Variants in NEB observed in about 807,000 individuals in gnomAD.
NEB encodes nemaline myopathy type 2.
Under a neutral mutation model 952.2 loss-of-function variants are expected in NEB, and 512 were observed. The ratio of observed to expected loss-of-function variants is 0.54; its 90% CI spans 0.50 to 0.58. The LOEUF (loss-of-function observed/expected upper bound fraction) is 0.58. Ranked by LOEUF, NEB falls within the 20% of genes least tolerant of loss-of-function variation. The pLI is 0.00. For synonymous variants in NEB, 2,900 were observed against 3,149.8 expected (o/e 0.92, Z 2.66); for missense variants, 8,428 against 9,231.1 (o/e 0.91, Z 3.56).
intron 81 of NEB, 150 bp downstream of exon 81, chr2:151,609,659 T>C: frequency 1.8e-6 from 1 of 557,282 alleles, no homozygotes; most frequent in South Asian, 5.3e-5. Context: ...AAAGATGGAT[T>C]TTATATTAAA....
At position 151,541,505 on chromosome 2, in the gene NEB, G is replaced by A. The variant is rs762651621; in HGVS notation, c.20624C>T (p.Ser6875Leu). ...TAAAAGATCAGGAGTATCAGGAACT[G>A]AAGTAAAGATTGACTTCTGCTTCTT... is the stretch of plus-strand genomic sequence containing the variant. ...AGKKQKSIFT[S>L]VPDTPDLLRA... Residue 6875 changes from serine (S) to leucine (L), a missense_variant, in exon 136 of 182, where the codon TCA becomes TTA. Physicochemically the swap from Ser to Leu is moderately radical, Grantham distance 145. This residue lies in a region of NEB where 3,374 missense variants were observed against 3,651.5 expected (regional missense o/e 0.92). Coordinates refer to ENST00000397345, the MANE Select transcript of NEB (RefSeq NM_001164508.2). 1 of 1,613,580 alleles carries A rather than the reference G, an allele frequency of 6.2e-7. No homozygotes were observed. The highest frequency in any genetic ancestry group is 8.5e-7 in the Non-Finnish European group (1 of 1,179,636).
At chr2:151,702,111 A>C (rs1308519584) in intron 13 of NEB, among the ~76,000 whole-genome samples, 123 of 144,070 alleles carry the variant, frequency 8.5e-4, no homozygotes, top group Admixed American at 3.7e-3. Context: ...TTCTGCCTTC[A>C]TTTCGTTATG....
intron 29 of NEB, 65 bp downstream of exon 29, chr2:151,682,597 A>G (rs911391335): frequency 6.5e-5 from 86 of 1,318,678 alleles, no homozygotes; most frequent in Non-Finnish European, 8.9e-5. Flanking sequence ...AGCACTGCCC[A>G]TGCTTTTGAG....
chr2:151,613,103 G>C (rs182860509), intron 77 of NEB, among the ~76,000 whole-genome samples: 4 of 151,868 alleles, frequency 2.6e-5, no homozygotes, highest in Non-Finnish European at 5.9e-5. Flanking sequence ...TTTTTTAACT[G>C]TCACTGCTTT....
At chr2:151,496,540 T>TG (rs916212494) in intron 172 of NEB, among the ~76,000 whole-genome samples, 172 bp from the exon 173 acceptor site, 1 of 152,182 alleles carries the variant, frequency 6.6e-6, no homozygotes, top group African/African-American at 2.4e-5. Flanking sequence ...GTTGTTGGGA[T>TG]GGGGAATCTG....
chr2:151,705,290 A>G (rs567694727), intron 13 of NEB, among the ~76,000 whole-genome samples: 102 of 152,330 alleles, frequency 6.7e-4, no homozygotes, highest in Middle Eastern at 3.4e-3. Flanking sequence ...CAGCTGATAA[A>G]GCAGATTATT....
At chr2:151,509,010 A>C (rs2071682189) in intron 161 of NEB, among the ~76,000 whole-genome samples, 1 of 152,094 alleles carries the variant, frequency 6.6e-6, no homozygotes, top group Admixed American at 6.5e-5. Flanking sequence ...CCCACTCTTC[A>C]GGGAAGTTTT....
intron 148 of NEB, among the ~76,000 whole-genome samples, chr2:151,526,700 A>G (rs1454782738): frequency 6.6e-6 from 1 of 152,202 alleles, no homozygotes; most frequent in African/African-American, 2.4e-5. Context: ...CTGGTGCAGT[A>G]TAAATCGAGG....
chr2:151,698,109 C>A (rs1370501557), intron 13 of NEB, among the ~76,000 whole-genome samples: 1 of 150,944 alleles, frequency 6.6e-6, no homozygotes, highest in East Asian at 2.0e-4. Context: ...AAGAAAAAAA[C>A]CTGACAATCG....
In NEB at chr2:151,518,960, C is replaced by T; in HGVS notation, c.22695+5G>A. On this transcript the variant is annotated splice_donor_5th_base_variant and intron_variant, in intron 155 of 181. Coordinates refer to ENST00000397345, the MANE Select transcript of NEB (RefSeq NM_001164508.2). ...GCTGTTTCTGGAGCAAATGACTGAG[C>T]TTACAGAACTGGCAAGTTGGCTTGT... 6.3e-7 allele frequency: 1 copy of T among 1,598,496 alleles called. No homozygotes were observed. The highest frequency in any genetic ancestry group is 1.1e-5 in the South Asian group (1 of 90,682).
intron 55 of NEB, among the ~76,000 whole-genome samples, chr2:151,645,160 A>G (rs1478840536): frequency 6.6e-6 from 1 of 152,264 alleles, no homozygotes; most frequent in Non-Finnish European, 1.5e-5. Flanking sequence ...AGAATCAGGC[A>G]GAAGTAAAAC....
intron 76 of NEB, 60 bp from the exon 77 acceptor site, chr2:151,614,647 G>T: frequency 6.7e-7 from 1 of 1,503,472 alleles, no homozygotes; most frequent in Non-Finnish European, 9.1e-7. Flanking sequence ...ATGTTTCATA[G>T]GTTCACATTC....
In NEB at chr2:151,527,677, AC is replaced by A; in HGVS notation, c.21736-93del. ...CACAGAGGGGCTCTTGCATTTCAAA[AC>A]ATCTCAAATCATGATTCCTAATGCA... On this transcript the variant is annotated intron_variant, in intron 146 of 181. Transcript: ENST00000397345. The A allele has an allele frequency of 4.6e-6, 4 of 860,362 alleles. 1 individual carries two copies. In the South Asian group the frequency reaches 6.6e-5, roughly 14 times the overall value. 53.3% of individuals were successfully genotyped at this position (860,362 alleles called of 1,614,324 possible). A position where few individuals can be genotyped will look rare whatever the true frequency, so the allele number is the denominator to read the frequency against.
rs1397643116 is a variant in NEB at position 151,548,499 on chromosome 2, C to A, written c.20050-84G>T. The A allele has an allele frequency of 1.5e-5, 14 of 960,816 alleles. No homozygotes were observed. The East Asian group carries it at 3.4e-4, about 24-fold the overall frequency. The allele number at this position is 960,816 out of a possible 1,614,324, so 59.5% of individuals were successfully genotyped here. A position where few individuals can be genotyped will look rare whatever the true frequency, so the allele number is the denominator to read the frequency against. On this transcript the variant is annotated intron_variant, in intron 130 of 181. Coordinates refer to ENST00000397345, the MANE Select transcript of NEB (RefSeq NM_001164508.2). Reference sequence around the variant, plus strand: ...TTCTCCAAATAGAAAAGAGATGTCACCTTTATTTGAAAAATTGCTCTTTTT... The same window carrying A: ...TTCTCCAAATAGAAAAGAGATGTCAACTTTATTTGAAAAATTGCTCTTTTT...
Position 151,631,284 on chromosome 2 carries a change from C to T in NEB, c.9477G>A (p.Met3159Ile). ...TAGCTCTCTTGCACTTGACCACATCCATAGACCCAATGGGGACCCAGCCAA... is the reference window on the plus strand; with the variant it reads ...TAGCTCTCTTGCACTTGACCACATCTATAGACCCAATGGGGACCCAGCCAA... ...RGIGWVPIGS[M>I]DVVKCKRATE... Residue 3159 changes from methionine (M) to isoleucine (I), a missense_variant, in exon 66 of 182, where the codon ATG (methionine) becomes ATA (isoleucine). Physicochemically the swap from Met to Ile is conservative, Grantham distance 10. Transcript: ENST00000397345. The T allele has an allele frequency of 3.1e-6, 5 of 1,613,880 alleles. No homozygotes were observed. Among genetic ancestry groups the T allele is most frequent in the South Asian group, 1.1e-5 (1 of 91,090 alleles).
chr2:151,697,089 T>C, intron 16 of NEB, 59 bp downstream of exon 16: 1 of 1,291,056 alleles, frequency 7.7e-7, no homozygotes, highest in African/African-American at 1.5e-5. Flanking sequence ...TTTAAACATA[T>C]CCTGACCACT....
chr2:151,635,790 A>T lies in NEB; in HGVS notation c.9102+437T>A, dbSNP rs147022587. On this transcript the variant is annotated intron_variant, in intron 64 of 181. Coordinates refer to ENST00000397345, the MANE Select transcript of NEB (RefSeq NM_001164508.2). ...TCAACTGCCTTCTTTTCATAAGGGCAAATTTCAATAGCAAGCACCGCATGT... is the reference window on the plus strand; with the variant it reads ...TCAACTGCCTTCTTTTCATAAGGGCTAATTTCAATAGCAAGCACCGCATGT... Among the ~76,000 whole-genome samples, 958 of 152,198 alleles carry T rather than the reference A, an allele frequency of 6.3e-3. 2 individuals are homozygous for T. The highest frequency in any genetic ancestry group is 0.022 in the African/African-American group (905 of 41,510).
rs755408282 is a variant in NEB at position 151,493,464 on chromosome 2, C to T, written c.24673-19G>A. 1 of 1,503,934 alleles carries T rather than the reference C, an allele frequency of 6.6e-7. No individual in the cohort carries two copies. Among genetic ancestry groups the T allele is most frequent in the Non-Finnish European group, 9.1e-7 (1 of 1,104,856 alleles). 93.2% of individuals were successfully genotyped at this position (1,503,934 alleles called of 1,614,324 possible). ...ACAATACCTAGGGAAGCCAAAAGAG[C>T]ATCTAGGCATCAGACAGCAGAAAAC... On this transcript the variant is annotated intron_variant, in intron 175 of 181. Coordinates refer to ENST00000397345, the MANE Select transcript of NEB (RefSeq NM_001164508.2).
Position 151,618,409 on chromosome 2 carries a change from C to A in NEB, c.10942G>T (p.Val3648Phe). The A allele has an allele frequency of 1.9e-6, 3 of 1,613,950 alleles. No individual in the cohort carries two copies. Among genetic ancestry groups the A allele is most frequent in the Middle Eastern group, 1.6e-4 (1 of 6,062 alleles). Reference protein sequence around the residue: ...GWVPIDSLEVVRAKRAGELLS... With the variant: ...GWVPIDSLEVFRAKRAGELLS... ...AATTCTCCAGCTCTCTTGGCCCTAA[C>A]AACTTCCAAGGAATCAATCGGAACC... Residue 3648 changes from valine to phenylalanine, a missense_variant, in exon 74 of 182, where the codon GTT (valine) becomes TTT (phenylalanine). Val to Phe is a conservative substitution (Grantham distance 50). This residue lies in a region of NEB where 1,772 missense variants were observed against 1,960.3 expected (regional missense o/e 0.90). Coordinates refer to ENST00000397345, the MANE Select transcript of NEB (RefSeq NM_001164508.2).
Sources: allele counts gnomAD v4.1 joint callset (sites outside exome capture counted in the v4.1 genomes callset), GRCh38; gene constraint gnomAD v4.1.1; regional missense constraint gnomAD v4.1.1; transcripts MANE v1.5; gene names NCBI Gene and HGNC (gene_info 2026-07-23, HGNC 2026-07-21).